Variants in EHMT1 observed in about 807,000 individuals in gnomAD.
EHMT1 encodes the protein euchromatic histone lysine methyltransferase 1, also known as histone-lysine N-methyltransferase EHMT1.
Under a neutral mutation model 147.2 loss-of-function variants are expected in EHMT1, and 15 were observed. The observed-to-expected ratio is 0.10, with a 90% CI of 0.07 to 0.16. The LOEUF is 0.16. Among genes scored for constraint, EHMT1 ranks in the 10% least tolerant of loss-of-function variants. The probability of loss-of-function intolerance (pLI) is 1.00; values close to 1 mark genes in which losing one functional copy is unlikely to be tolerated. For synonymous variants in EHMT1, 795 were observed against 709.6 expected (o/e 1.12, Z -1.91); for missense variants, 1,587 against 1,772.4 (o/e 0.90, Z 1.88).
chr9:137,812,342 A>G (rs532567548), intron 19 of EHMT1, among the ~76,000 whole-genome samples: 135 of 151,326 alleles, frequency 8.9e-4, no homozygotes, highest in African/African-American at 3.1e-3. Context: ...CTGTCTCAAA[A>G]AAAACCCAAA....
intron 14 of EHMT1, among the ~76,000 whole-genome samples, chr9:137,780,629 A>ATGTGTGGTGATGACGCTGG (rs1951363336): frequency 6.6e-5 from 3 of 45,624 alleles, no homozygotes; most frequent in African/African-American, 1.1e-4. Flanking sequence ...GATGACGCTG[A>ATGTGTGGTGATGACGCTGG]GATGTGTGGT....
intron 1 of EHMT1, among the ~76,000 whole-genome samples, chr9:137,624,301 C>T (rs1447629105): frequency 1.3e-5 from 2 of 149,606 alleles, no homozygotes; most frequent in Admixed American, 6.7e-5. Flanking sequence ...GCACTATGCC[C>T]GGCCTCTTTT....
chr9:137,760,972 A>G (rs936915861), intron 9 of EHMT1, among the ~76,000 whole-genome samples: 1 of 152,174 alleles, frequency 6.6e-6, no homozygotes, highest in African/African-American at 2.4e-5. Context: ...GCACCACTGC[A>G]CTCCAGCCTG....
rs569891547 is a variant in EHMT1 at position 137,835,350 on chromosome 9, C to T, written c.*397C>T. 325 of 165,162 alleles carry T rather than the reference C, an allele frequency of 2.0e-3. 2 individuals carry two copies. Among genetic ancestry groups the T allele is most frequent in the African/African-American group, 7.5e-3 (314 of 41,962 alleles). 10.2% of individuals were successfully genotyped at this position (165,162 alleles called of 1,614,324 possible). On this transcript the variant is annotated 3_prime_UTR_variant, in exon 27 of 27. Coordinates refer to ENST00000460843, the MANE Select transcript of EHMT1 (RefSeq NM_024757.5). ...GTTCTCCTGTCCGGCCCAGACTCTT[C>T]TGTGTGGCGCCGCCGAAGCCACCGT...
chr9:137,635,946 G>T (rs529190022), intron 1 of EHMT1, among the ~76,000 whole-genome samples: 7 of 151,534 alleles, frequency 4.6e-5, no homozygotes, highest in Non-Finnish European at 7.4e-5. Flanking sequence ...TTGAGATGGG[G>T]AGTCTTGCTC....
At position 137,728,470 on chromosome 9, in the gene EHMT1, C is replaced by A; in HGVS notation, c.764C>A (p.Ser255Tyr). Residue 255 changes from serine to tyrosine, a missense_variant, in exon 4 of 27, where the codon TCC becomes TAC. Ser to Tyr is a moderately radical substitution (Grantham distance 144). Coordinates refer to ENST00000460843, the MANE Select transcript of EHMT1 (RefSeq NM_024757.5). ...CAGCAGCTTTTACCCCCCTTCCCATCCCTTCATCAGTCGCTACCTCAGAAC... is the reference window on the plus strand; with the variant it reads ...CAGCAGCTTTTACCCCCCTTCCCATACCTTCATCAGTCGCTACCTCAGAAC... The part of the protein sequence containing the change: ...GRQQLLPPFP[S>Y]LHQSLPQNQC... The A allele has an allele frequency of 2.5e-6, 4 of 1,614,082 alleles. No individual in the cohort carries two copies. The highest frequency in any genetic ancestry group is 3.4e-6 in the Non-Finnish European group (4 of 1,179,960).
chr9:137,738,680 G>A (rs1308192910), intron 4 of EHMT1: 2 of 152,170 alleles, frequency 1.3e-5, no homozygotes, highest in African/African-American at 4.8e-5. Flanking sequence ...GCAAAGTGTC[G>A]TGTGCAAAAC....
intron 9 of EHMT1, among the ~76,000 whole-genome samples, chr9:137,759,128 T>TA (rs1175611857): frequency 6.4e-4 from 94 of 146,940 alleles, no homozygotes; most frequent in African/African-American, 1.0e-3. Flanking sequence ...CCGTCTCAAT[T>TA]AAAAAAAAAA....
At chr9:137,773,165 T>C (rs1011304689) in intron 10 of EHMT1, among the ~76,000 whole-genome samples, 1 of 152,242 alleles carries the variant, frequency 6.6e-6, no homozygotes, top group African/African-American at 2.4e-5. Flanking sequence ...CTTTTGTATG[T>C]TCTCCTAGAC....
At chr9:137,824,651 T>C (rs1052906303) in intron 25 of EHMT1, among the ~76,000 whole-genome samples, 2 of 152,340 alleles carry the variant, frequency 1.3e-5, no homozygotes, top group African/African-American at 2.4e-5. Flanking sequence ...GAGTTTGATA[T>C]TGAGTTTCTC....
At chr9:137,755,897 G>A (rs1182963562) in intron 8 of EHMT1, among the ~76,000 whole-genome samples, 1 of 152,166 alleles carries the variant, frequency 6.6e-6, no homozygotes, top group African/African-American at 2.4e-5. Flanking sequence ...AAATCTGGTT[G>A]TTTTTCTTCT....
intron 16 of EHMT1, chr9:137,792,136 G>A: frequency 2.1e-6 from 1 of 469,744 alleles, no homozygotes; most frequent in South Asian, 1.6e-5. Flanking sequence ...CAGAGTTGGA[G>A]AACTCACACT....
intron 1 of EHMT1, among the ~76,000 whole-genome samples, chr9:137,644,129 C>G (rs1424184696): frequency 6.6e-6 from 1 of 152,154 alleles, no homozygotes; most frequent in African/African-American, 2.4e-5. Flanking sequence ...CACGGCTGAT[C>G]CCGCCGTGCA....
At chr9:137,763,245 C>G (rs769835382) in intron 10 of EHMT1, 4 of 354,472 alleles carry the variant, frequency 1.1e-5, no homozygotes, top group African/African-American at 6.2e-5. Flanking sequence ...CTCCTTTCAC[C>G]GGGGATCACA....
intron 10 of EHMT1, chr9:137,763,235 C>T (rs997020099): frequency 8.1e-6 from 3 of 368,298 alleles, no homozygotes; most frequent in African/African-American, 4.1e-5. Flanking sequence ...GGCCACCTCC[C>T]TCCTTTCACC....
chr9:137,833,260 G>C (rs1226714255), intron 25 of EHMT1, among the ~76,000 whole-genome samples: 1 of 152,234 alleles, frequency 6.6e-6, no homozygotes, highest in East Asian at 1.9e-4. Context: ...GAAAGCCCCA[G>C]GTGCCTCCTT....
intron 8 of EHMT1, among the ~76,000 whole-genome samples, chr9:137,756,208 G>A (rs1949365922): frequency 6.6e-6 from 1 of 152,210 alleles, no homozygotes. Flanking sequence ...TTGCACTGAT[G>A]TTTGAGTGAG....
Position 137,782,374 on chromosome 9 carries a change from G to A in EHMT1, c.2359G>A (p.Asp787Asn). 1.2e-6 allele frequency: 2 copies of A among 1,611,482 alleles called. No individual in the cohort carries two copies. The highest frequency in any genetic ancestry group is 1.7e-4 in the Middle Eastern group (1 of 6,058). The change falls in exon 15 of 27, where the codon GAC becomes AAC. Residue 787 changes from aspartate to asparagine, a missense_variant. Asp to Asn is a conservative substitution (Grantham distance 23, BLOSUM62 1). This residue lies in a region of EHMT1 where 201 missense variants were observed against 350.1 expected (regional missense o/e 0.57). Transcript: ENST00000460843. The surrounding 1 kb of genome is among the most constrained non-coding windows in gnomAD (Gnocchi z 5.7). Reference protein sequence around the residue: ...LHAAAEAGHVDICHMLVQAGA... With the variant: ...LHAAAEAGHVNICHMLVQAGA... ...CGCCGCGGCAGAGGCTGGACACGTG[G>A]ACATCTGCCACATGCTGGTTCAGGT...
chr9:137,766,542 G>A (rs140904650), intron 10 of EHMT1, among the ~76,000 whole-genome samples: 1 of 152,212 alleles, frequency 6.6e-6, no homozygotes, highest in African/African-American at 2.4e-5. Flanking sequence ...TTGAGCCTGG[G>A]AGGCGACGGT....
Sources: gnomAD v4.1 joint callset for allele counts (sites outside exome capture counted in the v4.1 genomes callset) on GRCh38, gnomAD v4.1.1 for gene constraint, gnomAD v4.1.1 regional missense constraint, Gnocchi (gnomAD v3.1) non-coding constraint, MANE v1.5 for transcripts, NCBI Gene and HGNC (gene_info 2026-07-23, HGNC 2026-07-21) for gene names.